ZNF8: variants seen among roughly 807,000 people sequenced by gnomAD.
ZNF8 encodes the protein zinc finger protein 8, also known as zinc finger protein 272.
In ZNF8, 9 loss-of-function variants were observed where a neutral mutation model predicts 12.2. The observed-to-expected ratio is 0.73, with a 90% CI of 0.44 to 1.28. The LOEUF (loss-of-function observed/expected upper bound fraction) is 1.28, where lower values mean the gene tolerates loss of function less well. Ranked by LOEUF, ZNF8 falls within the 50% of genes most tolerant of loss-of-function variation. The probability of loss-of-function intolerance (pLI) is 0.00; values close to 1 mark genes in which losing one functional copy is unlikely to be tolerated. For missense variants in ZNF8, 664 were observed against 729.1 expected, an observed-to-expected ratio of 0.91 and a Z score of 1.03; for synonymous variants, 274 against 282.3, an observed-to-expected ratio of 0.97 and a Z score of 0.30.
chr19:58,302,331 T>C lies in ZNF8; in HGVS notation c.*6795T>C, dbSNP rs920006419. 2.0e-5 allele frequency: 3 copies of C among 152,260 alleles called. No individual in the cohort carries two copies. The highest frequency in any genetic ancestry group is 4.8e-5 in the African/African-American group (2 of 41,460). 9.4% of individuals were successfully genotyped at this position (152,260 alleles called of 1,614,324 possible). A position where few individuals can be genotyped will look rare whatever the true frequency, so the allele number is the denominator to read the frequency against. On this transcript the variant is annotated 3_prime_UTR_variant, in exon 4 of 4. Coordinates refer to ENST00000621650, the MANE Select transcript of ZNF8 (RefSeq NM_021089.3). ...AACTTGTGTAAAATTCCTCATACTT[T>C]AGCCATCCATAGATGGTCCTTACCA... is the stretch of plus-strand genomic sequence containing the variant.
In ZNF8 at chr19:58,294,187, T is replaced by A. The variant is rs1309060621; in HGVS notation, c.379T>A (p.Phe127Ile). The A allele has an allele frequency of 3.1e-6, 5 of 1,613,950 alleles. No homozygotes were observed. The African/African-American group carries it at 5.3e-5, about 17-fold the overall frequency. The change falls in exon 4 of 4, where the codon TTC (phenylalanine) becomes ATC (isoleucine). Residue 127 changes from phenylalanine (F) to isoleucine (I), a missense_variant. Phe to Ile is a conservative substitution (Grantham distance 21). Around this residue, in one of 3 missense-constraint regions of ZNF8, gnomAD observed 306 missense variants for 308.7 expected, o/e 0.99. Coordinates refer to ENST00000621650, the MANE Select transcript of ZNF8 (RefSeq NM_021089.3). The surrounding 1 kb of genome is among the most constrained non-coding windows in gnomAD (Gnocchi z 5.5). ...EPSHVTGREG[F>I]PTDAPYPTTL... ...ATCCCATGTCACGGGAAGGGAAGGA[T>A]TCCCGACAGATGCTCCTTATCCCAC...
rs960068408 is a variant in ZNF8, at chr19:58,297,640, C to T, written c.*2104C>T. On this transcript the variant is annotated 3_prime_UTR_variant, in exon 4 of 4. Transcript: ENST00000621650. ...TGCCTAGGCTGGTCTCGAACCTTGG[C>T]GTCCCAAAGTGTTGAGATTATAGGC... is the stretch of plus-strand genomic sequence containing the variant. 6.6e-6 allele frequency: 1 copy of T among 152,098 alleles called. No homozygotes were observed. Among genetic ancestry groups the T allele is most frequent in the African/African-American group, 2.4e-5 (1 of 41,394 alleles). 9.4% of individuals were successfully genotyped at this position (152,098 alleles called of 1,614,324 possible). A position where few individuals can be genotyped will look rare whatever the true frequency, so the allele number is the denominator to read the frequency against.
chr19:58,285,885 G>T (rs752946878), intron 2 of ZNF8, 42 bp downstream of exon 2: 2 of 1,572,822 alleles, frequency 1.3e-6, no homozygotes, highest in Admixed American at 3.6e-5. Flanking sequence ...ATTCTCTCTG[G>T]GTTATAAGTC....
At position 58,294,822 on chromosome 19, in the gene ZNF8, G is replaced by T; in HGVS notation, c.1014G>T (p.Glu338Asp). 1 of 1,614,166 alleles carries T rather than the reference G, an allele frequency of 6.2e-7. No homozygotes were observed. ...LTVHRRIHTG[E>D]KPYECQDCGR... ...TCCATCGGAGGATTCACACTGGGGA[G>T]AAGCCCTATGAGTGTCAGGACTGTG... is the stretch of plus-strand genomic sequence containing the variant. The change falls in exon 4 of 4, where the codon GAG becomes GAT. Residue 338 changes from glutamate (E) to aspartate (D), a missense_variant. Around this residue, in one of 3 missense-constraint regions of ZNF8, gnomAD observed 133 missense variants for 198.4 expected, o/e 0.67. Transcript: ENST00000621650. The surrounding 1 kb of genome is among the most constrained non-coding windows in gnomAD (Gnocchi z 5.5).
intron 3 of ZNF8, among the ~76,000 whole-genome samples, chr19:58,288,732 A>T (rs939407481): frequency 6.6e-6 from 1 of 152,132 alleles, no homozygotes; most frequent in Non-Finnish European, 1.5e-5. Context: ...CCACCCAAAT[A>T]CTTCTGATGC....
At position 58,300,380 on chromosome 19, in the gene ZNF8, G is replaced by C. The variant is rs1269951111; in HGVS notation, c.*4844G>C. 6.6e-6 allele frequency: 1 copy of C among 152,244 alleles called. No individual in the cohort carries two copies. The highest frequency in any genetic ancestry group is 1.9e-4 in the East Asian group (1 of 5,196). The allele number at this position is 152,244 out of a possible 1,614,324, so 9.4% of individuals were successfully genotyped here. A position where few individuals can be genotyped will look rare whatever the true frequency, so the allele number is the denominator to read the frequency against. ...TATGGCTCCAGCCATTGCATCCACA[G>C]TGAAGACTGAAAGAAGGGGGAATGG... On this transcript the variant is annotated 3_prime_UTR_variant, in exon 4 of 4. Coordinates refer to ENST00000621650, the MANE Select transcript of ZNF8 (RefSeq NM_021089.3).
At chr19:58,283,498 T>C (rs1236704621) in intron 1 of ZNF8, among the ~76,000 whole-genome samples, 1 of 152,006 alleles carries the variant, frequency 6.6e-6, no homozygotes, top group Non-Finnish European at 1.5e-5. Flanking sequence ...TCTCGCCATG[T>C]GATGCCCTCC....
At position 58,285,589 on chromosome 19, in the gene ZNF8, T is replaced by C. The variant is rs1338844414; in HGVS notation, c.67-128T>C. The C allele has an allele frequency of 4.5e-6, 6 of 1,344,992 alleles. No individual in the cohort carries two copies. In the African/African-American group the frequency reaches 7.1e-5, roughly 16 times the overall value. 83.3% of individuals were successfully genotyped at this position (1,344,992 alleles called of 1,614,324 possible). A position where few individuals can be genotyped will look rare whatever the true frequency, so the allele number is the denominator to read the frequency against. On this transcript the variant is annotated intron_variant, in intron 1 of 3. Transcript: ENST00000621650. ...TAATAGGTGCCCAGTGAGACCTGAC[T>C]CCCATCATTCATAACGTGCAGTCTC...
At chr19:58,291,701 G>C (rs2051420441) in intron 3 of ZNF8, among the ~76,000 whole-genome samples, 1 of 152,212 alleles carries the variant, frequency 6.6e-6, no homozygotes, top group Admixed American at 6.5e-5. Flanking sequence ...AGGCAGTGAT[G>C]AGGCCGTAAA....
chr19:58,279,536 G>T lies in ZNF8; in HGVS notation c.66+389G>T, dbSNP rs1329815882. On this transcript the variant is annotated intron_variant, in intron 1 of 3. Transcript: ENST00000621650. Reference sequence around the variant, plus strand: ...GTAGCGTTGGCCGGGTGCCCAGATGGCAAGAATCATCGAATAGAGATGCTT... The same window carrying T: ...GTAGCGTTGGCCGGGTGCCCAGATGTCAAGAATCATCGAATAGAGATGCTT... The T allele has an allele frequency of 1.1e-5, 17 of 1,509,706 alleles. 1 individual carries two copies. The highest frequency in any genetic ancestry group is 2.4e-5 in the South Asian group (2 of 81,680). 93.5% of individuals were successfully genotyped at this position (1,509,706 alleles called of 1,614,324 possible).
chr19:58,291,707 G>A (rs1210967114), intron 3 of ZNF8, among the ~76,000 whole-genome samples: 2 of 152,198 alleles, frequency 1.3e-5, no homozygotes, highest in South Asian at 2.1e-4. Context: ...TGATGAGGCC[G>A]TAAAGGAAAT....
At chr19:58,279,640 TGGG>T in intron 1 of ZNF8, 1 of 1,533,886 alleles carries the variant, frequency 6.5e-7, no homozygotes, top group Non-Finnish European at 8.7e-7. Context: ...CACAACCTCT[TGGG>T]GGCAATGATG....
intron 3 of ZNF8, among the ~76,000 whole-genome samples, chr19:58,291,020 C>G (rs181551069): frequency 2.0e-4 from 31 of 152,212 alleles, no homozygotes; most frequent in Admixed American, 1.7e-3. Flanking sequence ...CAGAGTAAGA[C>G]CTTATTTCAA....
In ZNF8 at chr19:58,297,430, T is replaced by TG. The variant is rs1170650844; in HGVS notation, c.*1895dup. The TG allele has an allele frequency of 1.3e-5, 2 of 151,976 alleles. No individual in the cohort carries two copies. Among genetic ancestry groups the TG allele is most frequent in the Non-Finnish European group, 2.9e-5 (2 of 67,992 alleles). The allele number at this position is 151,976 out of a possible 1,614,324, so 9.4% of individuals were successfully genotyped here. ...AGGAAGATAATCCTTTTTTTTTTTT[T>TG]GAGACAGAGTCTCACTCTTTTGCCC... On this transcript the variant is annotated 3_prime_UTR_variant, in exon 4 of 4. Coordinates refer to ENST00000621650, the MANE Select transcript of ZNF8 (RefSeq NM_021089.3).
chr19:58,297,551 C>G lies in ZNF8; in HGVS notation c.*2015C>G, dbSNP rs1366496734. ...ACCCCAGCCTCCCAAGTAGCTGGGA[C>G]CACAGGCATGTGCCACCATTCCTGA... On this transcript the variant is annotated 3_prime_UTR_variant, in exon 4 of 4. Transcript: ENST00000621650. 1.3e-5 allele frequency: 2 copies of G among 152,118 alleles called. No individual in the cohort carries two copies. 9.4% of individuals were successfully genotyped at this position (152,118 alleles called of 1,614,324 possible).
At chr19:58,287,246 C>G (rs1257406362) in intron 3 of ZNF8, among the ~76,000 whole-genome samples, 1 of 151,846 alleles carries the variant, frequency 6.6e-6, no homozygotes, top group Non-Finnish European at 1.5e-5. Flanking sequence ...TGCCATCTTG[C>G]CAGGCTGGGC....
chr19:58,295,245 C>T lies in ZNF8; in HGVS notation c.1437C>T (p.Ser479=), dbSNP rs2051446311. The T allele has an allele frequency of 1.2e-6, 2 of 1,614,228 alleles. No homozygotes were observed. The highest frequency in any genetic ancestry group is 1.7e-6 in the Non-Finnish European group (2 of 1,180,054). The change falls in exon 4 of 4, where the codon AGC becomes AGT. Residue 479 remains serine (S), a synonymous_variant. Transcript: ENST00000621650. ...CNQCGKCFIQ[S]SHLIRHQITH... is the part of the protein sequence containing the mutation. ...AGTGTGGGAAGTGTTTCATTCAGAG[C>T]TCTCACCTCATCCGGCACCAGATAA... is the stretch of plus-strand genomic sequence containing the variant.
In ZNF8 at chr19:58,295,068, G is replaced by C. The variant is rs142948937; in HGVS notation, c.1260G>C (p.Ala420=). 2.5e-6 allele frequency: 4 copies of C among 1,614,012 alleles called. No homozygotes were observed. The East Asian group carries it at 8.9e-5, about 36-fold the overall frequency. ...SSLAQHQRKH[A]GEKPFECRQR... ...TGGCCCAGCACCAGCGGAAGCACGC[G>C]GGGGAGAAGCCCTTTGAGTGCCGCC... The change falls in exon 4 of 4, where the codon GCG becomes GCC. Residue 420 remains alanine (A), a synonymous_variant. Transcript: ENST00000621650.
At position 58,300,299 on chromosome 19, in the gene ZNF8, C is replaced by T. The variant is rs2051483605; in HGVS notation, c.*4763C>T. 6.6e-6 allele frequency: 1 copy of T among 152,232 alleles called. No homozygotes were observed. The highest frequency in any genetic ancestry group is 6.5e-5 in the Admixed American group (1 of 15,284). 9.4% of individuals were successfully genotyped at this position (152,232 alleles called of 1,614,324 possible). A position where few individuals can be genotyped will look rare whatever the true frequency, so the allele number is the denominator to read the frequency against. On this transcript the variant is annotated 3_prime_UTR_variant, in exon 4 of 4. Transcript: ENST00000621650. ...TCTTTTCAGTGGCTCAGCTGTGTCA[C>T]AGTCGATGTTTTCTGCAATCTCTCA...
Sources: allele counts gnomAD v4.1 joint callset (sites outside exome capture counted in the v4.1 genomes callset), GRCh38; gene constraint gnomAD v4.1.1; regional missense constraint gnomAD v4.1.1; non-coding constraint Gnocchi (gnomAD v3.1); transcripts MANE v1.5; gene names NCBI Gene and HGNC (gene_info 2026-07-23, HGNC 2026-07-21).